The following TPRKB variants were observed in gnomAD, a reference collection of about 807,000 sequenced individuals.
The protein encoded by TPRKB is TP53RK binding protein, also known as EKC/KEOPS complex subunit TPRKB.
Under a neutral mutation model 17.8 loss-of-function variants are expected in TPRKB, and 11 were observed. That is an observed-to-expected ratio of 0.62 (90% CI 0.39 to 1.02). TPRKB has a LOEUF of 1.02. TPRKB is among the 50% of genes least tolerant of loss of function. TPRKB has a pLI of 0.00. For synonymous variants in TPRKB, 71 were observed against 69.5 expected (o/e 1.02, Z -0.11); for missense variants, 228 against 198.0 (o/e 1.15, Z -0.91).
At chr2:73,734,756 T>C (rs984365770) in intron 1 of TPRKB, among the ~76,000 whole-genome samples, 165 bp from the exon 2 acceptor site, 2 of 152,254 alleles carry the variant, frequency 1.3e-5, no homozygotes, top group African/African-American at 4.8e-5. Flanking sequence ...GTTGTCTTCC[T>C]AACCCTTCTG....
At chr2:73,730,952 A>G (rs1671580146) in intron 3 of TPRKB, 4 of 383,748 alleles carry the variant, frequency 1.0e-5, no homozygotes, top group East Asian at 4.7e-5. Context: ...CCTTGTTCCT[A>G]TGGAATCAAG....
chr2:73,732,927 G>C (rs56867260), intron 2 of TPRKB, among the ~76,000 whole-genome samples: 1 of 152,032 alleles, frequency 6.6e-6, no homozygotes, highest in Non-Finnish European at 1.5e-5. Flanking sequence ...ACTATTATTA[G>C]TAGTAGTAGC....
chr2:73,736,684 A>G (rs1432935009), intron 1 of TPRKB, among the ~76,000 whole-genome samples: 1 of 152,214 alleles, frequency 6.6e-6, no homozygotes, highest in Non-Finnish European at 1.5e-5. Context: ...CATCTACAGC[A>G]GTAGCCTTCT....
intron 3 of TPRKB, 105 bp downstream of exon 3, chr2:73,732,058 T>C: frequency 1.5e-6 from 2 of 1,294,998 alleles, no homozygotes; most frequent in Non-Finnish European, 2.1e-6. Flanking sequence ...ATTATTTGGG[T>C]TTATTACTAA....
intron 2 of TPRKB, among the ~76,000 whole-genome samples, chr2:73,733,440 G>A (rs549105994): frequency 1.3e-5 from 2 of 152,030 alleles, no homozygotes; most frequent in African/African-American, 4.8e-5. Flanking sequence ...TGTATTTTTA[G>A]TAGAGACACG....
In TPRKB at chr2:73,730,683, T is replaced by C; in HGVS notation, c.318A>G (p.Leu106=). The change falls in exon 4 of 5, where the codon CTA becomes CTG. Residue 106 remains leucine (L), a synonymous_variant. Transcript: ENST00000272424. ...FGISANDTSI[L]IVYIEEGEKQ... ...TTTCTCCCTCTTCAATGTAAACAATTAGAATTGAAGTGTCATTTGCTGAGA... is the reference window on the plus strand; with the variant it reads ...TTTCTCCCTCTTCAATGTAAACAATCAGAATTGAAGTGTCATTTGCTGAGA... The C allele has an allele frequency of 6.4e-7, 1 of 1,571,800 alleles. No individual in the cohort carries two copies. The highest frequency in any genetic ancestry group is 8.6e-7 in the Non-Finnish European group (1 of 1,165,936).
At position 73,730,592 on chromosome 2, in the gene TPRKB, G is replaced by A. The variant is rs1438616553; in HGVS notation, c.409C>T (p.Pro137Ser). The change falls in exon 4 of 5, where the codon CCT (proline) becomes TCT (serine). Residue 137 changes from proline to serine, a missense_variant. Pro to Ser is a moderately conservative substitution (Grantham distance 74). Transcript: ENST00000272424. ...ACTTCTGTAATATTCATTATTTCAG[G>A]AAGATTTTTCAGAGAAACCTGATGA... ...EGHQVSLKNLPEIMNITEVKK... is the reference protein window; with the variant it reads ...EGHQVSLKNLSEIMNITEVKK... The A allele has an allele frequency of 1.9e-6, 3 of 1,588,376 alleles. No individual in the cohort carries two copies. The highest frequency in any genetic ancestry group is 2.6e-6 in the Non-Finnish European group (3 of 1,172,642).
At chr2:73,736,659 C>G (rs1333122558) in intron 1 of TPRKB, among the ~76,000 whole-genome samples, 1 of 152,226 alleles carries the variant, frequency 6.6e-6, no homozygotes, top group African/African-American at 2.4e-5. Context: ...CTCCCATACG[C>G]TAGGTCACAT....
chr2:73,734,297 C>T, intron 2 of TPRKB, 132 bp downstream of exon 2: 1 of 835,254 alleles, frequency 1.2e-6, no homozygotes. Context: ...CAGGGTTTCA[C>T]CATGTTGGCC....
chr2:73,732,176 G>A lies in TPRKB; in HGVS notation c.251C>T (p.Ser84Phe). The change falls in exon 3 of 5, where the codon TCC (serine) becomes TTC (phenylalanine). Residue 84 changes from serine (S) to phenylalanine (F), a missense_variant. Transcript: ENST00000272424. ...AGTGCACATTACATTGTTATTTGGGGAAAGGTTGAAAATAATTTCAGTAGA... is the reference window on the plus strand; with the variant it reads ...AGTGCACATTACATTGTTATTTGGGAAAAGGTTGAAAATAATTTCAGTAGA... ...TLSTEIIFNL[S>F]PNNNISEALK... 6.2e-7 allele frequency: 1 copy of A among 1,613,592 alleles called. No individual in the cohort carries two copies. Among genetic ancestry groups the A allele is most frequent in the Non-Finnish European group, 8.5e-7 (1 of 1,179,832 alleles).
intron 2 of TPRKB, among the ~76,000 whole-genome samples, chr2:73,733,814 C>CT (rs755122123): frequency 0.1 from 11,535 of 113,974 alleles, 1,823 homozygotes; most frequent in African/African-American, 0.33. Flanking sequence ...CTCATTCATT[C>CT]TTTTTTTTTT....
intron 2 of TPRKB, chr2:73,732,707 C>CAAA (rs546442735): frequency 1.8e-4 from 18 of 99,690 alleles, no homozygotes; most frequent in African/African-American, 6.4e-4. Context: ...GAAACTGTCT[C>CAAA]AAAAAAAAAA....
chr2:73,731,961 T>C lies in TPRKB; in HGVS notation c.264+202A>G, dbSNP rs542031289. 3 of 475,710 alleles carry C rather than the reference T, an allele frequency of 6.3e-6. No individual in the cohort carries two copies. In the Admixed American group the frequency reaches 1.2e-4, roughly 18 times the overall value. The allele number at this position is 475,710 out of a possible 1,614,324, so 29.5% of individuals were successfully genotyped here. The stretch of plus-strand genomic sequence containing the variant: ...CAGATAAAATTAACCTCGCTTAATT[T>C]AGCTAAATTTTTGTTTACTCATATG... On this transcript the variant is annotated intron_variant, in intron 3 of 4. Coordinates refer to ENST00000272424, the MANE Select transcript of TPRKB (RefSeq NM_016058.5).
chr2:73,731,748 A>G (rs926335324), intron 3 of TPRKB, among the ~76,000 whole-genome samples: 1 of 152,204 alleles, frequency 6.6e-6, no homozygotes, highest in African/African-American at 2.4e-5. Context: ...AAGGACTGTT[A>G]TAGGTACAAG....
chr2:73,736,167 T>C (rs2103873525), intron 1 of TPRKB, among the ~76,000 whole-genome samples: 1 of 152,266 alleles, frequency 6.6e-6, no homozygotes, highest in African/African-American at 2.4e-5. Context: ...AAAAAATATA[T>C]TTGTGAACGA....
rs1334200376 is a variant in TPRKB, at chr2:73,732,279, C to A, written c.148G>T (p.Asp50Tyr). 1.2e-5 allele frequency: 19 copies of A among 1,611,784 alleles called. No homozygotes were observed. Among genetic ancestry groups the A allele is most frequent in the Admixed American group, 1.7e-5 (1 of 59,262 alleles). Residue 50 changes from aspartate (D) to tyrosine (Y), a missense_variant, in exon 3 of 5, where the codon GAT (aspartate) becomes TAT (tyrosine). Physicochemically the swap from Asp to Tyr is radical, Grantham distance 160 (BLOSUM62 -3). Coordinates refer to ENST00000272424, the MANE Select transcript of TPRKB (RefSeq NM_016058.5). Reference protein sequence around the residue: ...GSLINPTVIVDPFQILVAANK... With the variant: ...GSLINPTVIVYPFQILVAANK... The stretch of plus-strand genomic sequence containing the variant: ...GCTGCCACAAGTATCTGAAATGGAT[C>A]AACAATCTACCAAAGCAAGGAAAAA...
intron 4 of TPRKB, 103 bp downstream of exon 4, chr2:73,730,457 C>G: frequency 1.3e-6 from 1 of 774,606 alleles, no homozygotes. Context: ...GATTAACTTT[C>G]TCAAAAGTTC....
In TPRKB at chr2:73,732,127, T is replaced by C. The variant is rs373255161; in HGVS notation, c.264+36A>G. 3 of 1,601,392 alleles carry C rather than the reference T, an allele frequency of 1.9e-6. No homozygotes were observed. In the African/African-American group the frequency reaches 4.0e-5, roughly 21 times the overall value. ...ACACTGAGGAACACATATGTTATTA[T>C]GACACGGTCAACAGAAATAGGAAAG... On this transcript the variant is annotated intron_variant, in intron 3 of 4. Transcript: ENST00000272424.
chr2:73,732,025 C>G, intron 3 of TPRKB, 138 bp downstream of exon 3: 2 of 968,356 alleles, frequency 2.1e-6, no homozygotes, highest in Non-Finnish European at 3.1e-6. Context: ...AACCTCAACT[C>G]TCTGTCCAGA....
Sources: gnomAD v4.1 joint callset for allele counts (sites outside exome capture counted in the v4.1 genomes callset) on GRCh38, gnomAD v4.1.1 for gene constraint, MANE v1.5 for transcripts, NCBI Gene and HGNC (gene_info 2026-07-23, HGNC 2026-07-21) for gene names.